The following DOCK7 variants were observed in gnomAD, a reference collection of about 807,000 sequenced individuals.
The protein encoded by DOCK7 is dedicator of cytokinesis protein 7.
Under a neutral mutation model 271.0 loss-of-function variants are expected in DOCK7, and 138 were observed. That is an observed-to-expected ratio of 0.51 (90% CI 0.44 to 0.59). DOCK7 has a LOEUF of 0.59. Among genes scored for constraint, DOCK7 ranks in the 20% least tolerant of loss-of-function variants. The pLI is 0.00. For synonymous variants in DOCK7, 823 were observed against 876.1 expected (o/e 0.94, Z 1.07); for missense variants, 2,066 against 2,592.4 (o/e 0.80, Z 4.41).
intron 14 of DOCK7, among the ~76,000 whole-genome samples, chr1:62,617,165 G>GTT (rs1451404410): frequency 6.6e-6 from 1 of 151,148 alleles, no homozygotes; most frequent in East Asian, 1.9e-4. Context: ...CAATTGTACA[G>GTT]TAAGCCTAAA....
chr1:62,529,532 G>T, intron 29 of DOCK7, 86 bp from the exon 30 acceptor site: 1 of 1,049,846 alleles, frequency 9.5e-7, no homozygotes, highest in Non-Finnish European at 1.3e-6. Context: ...GTAAGTCATG[G>T]TATTGAATAA....
intron 1 of DOCK7, among the ~76,000 whole-genome samples, chr1:62,668,259 G>A (rs4587594): frequency 0.35 from 53,599 of 152,028 alleles, 9,776 homozygotes; most frequent in African/African-American, 0.44. Flanking sequence ...AATCTCTTAC[G>A]GGTCAATGTG....
At chr1:62,670,126 C>T (rs1390822062) in intron 1 of DOCK7, among the ~76,000 whole-genome samples, 7 of 152,218 alleles carry the variant, frequency 4.6e-5, no homozygotes, top group Non-Finnish European at 7.4e-5. Context: ...TGCCTTCCCA[C>T]GGGGCAGGGC....
At chr1:62,592,227 T>C (rs1648555808) in intron 14 of DOCK7, among the ~76,000 whole-genome samples, 1 of 152,140 alleles carries the variant, frequency 6.6e-6, no homozygotes, top group Admixed American at 6.6e-5. Context: ...AAAATTCTCC[T>C]TCAAAGAAAT....
At chr1:62,503,140 A>T (rs1050676414) in intron 37 of DOCK7, among the ~76,000 whole-genome samples, 5 of 152,172 alleles carry the variant, frequency 3.3e-5, no homozygotes, top group African/African-American at 1.2e-4. Context: ...ACACCAAATA[A>T]AAGCTAAAGG....
chr1:62,473,766 G>T (rs1363355654), intron 48 of DOCK7, among the ~76,000 whole-genome samples: 1 of 151,890 alleles, frequency 6.6e-6, no homozygotes, highest in Non-Finnish European at 1.5e-5. Context: ...AATTTTTTTC[G>T]TAGAGATGGG....
chr1:62,673,992 G>T (rs1048051765), intron 1 of DOCK7, among the ~76,000 whole-genome samples: 2 of 151,982 alleles, frequency 1.3e-5, no homozygotes, highest in African/African-American at 2.4e-5. Context: ...AAGGCATTTT[G>T]ATTGGAAAGG....
At chr1:62,588,746 TTTA>T (rs1647940914) in intron 14 of DOCK7, among the ~76,000 whole-genome samples, 1 of 152,150 alleles carries the variant, frequency 6.6e-6, no homozygotes, top group Non-Finnish European at 1.5e-5. Context: ...TTAAAATTTA[TTTA>T]TTTTTTTAAG....
chr1:62,529,381 T>G lies in DOCK7; in HGVS notation c.3677A>C (p.Asp1226Ala). ...VHNLLSSHDS[D>A]PRYSDPQIKA... The stretch of plus-strand genomic sequence containing the variant: ...TATCTGAGGGTCAGAGTACCGCGGG[T>G]CTGAGTCGTGACTGGAGAGTAAATT... The change falls in exon 30 of 50, where the codon GAC becomes GCC. Residue 1226 changes from aspartate (D) to alanine (A), a missense_variant. Physicochemically the swap from Asp to Ala is moderately radical, Grantham distance 126 (BLOSUM62 -2). Coordinates refer to ENST00000635253, the MANE Select transcript of DOCK7 (RefSeq NM_001367561.1). 6.2e-7 allele frequency: 1 copy of G among 1,613,670 alleles called. No individual in the cohort carries two copies. The highest frequency in any genetic ancestry group is 8.5e-7 in the Non-Finnish European group (1 of 1,179,874).
intron 21 of DOCK7, among the ~76,000 whole-genome samples, chr1:62,553,465 G>T (rs188023948): frequency 7.1e-6 from 1 of 141,652 alleles, no homozygotes; most frequent in Non-Finnish European, 1.5e-5. Context: ...CTATAATCTT[G>T]GACTCCTGGA....
intron 48 of DOCK7, among the ~76,000 whole-genome samples, chr1:62,459,536 A>G (rs1645449505): frequency 6.6e-6 from 1 of 152,150 alleles, no homozygotes. Context: ...AAAACTGTAC[A>G]ATTTCATACA....
chr1:62,591,145 A>G (rs1648382248), intron 14 of DOCK7, among the ~76,000 whole-genome samples: 1 of 152,228 alleles, frequency 6.6e-6, no homozygotes, highest in Non-Finnish European at 1.5e-5. Context: ...TGGTACATAT[A>G]CACAGGGAAT....
rs373928701 is a variant in DOCK7, at chr1:62,505,802, C to T, written c.4491G>A (p.Thr1497=). 394 of 1,608,614 alleles carry T rather than the reference C, an allele frequency of 2.4e-4. No individual in the cohort carries two copies. The highest frequency in any genetic ancestry group is 3.1e-4 in the Non-Finnish European group (369 of 1,178,028). The change falls in exon 36 of 50, where the codon ACG becomes ACA. Residue 1497 remains threonine (T), a synonymous_variant. Transcript: ENST00000635253. ...LEIVVQTVSV[T]ESKESILGGV... ...CACCAAGAATGCTCTCTTTGGATTCCGTTACAGAAACGGTCTGCAATTTAA... is the reference window on the plus strand; with the variant it reads ...CACCAAGAATGCTCTCTTTGGATTCTGTTACAGAAACGGTCTGCAATTTAA...
intron 7 of DOCK7, among the ~76,000 whole-genome samples, chr1:62,643,961 C>T (rs1656340897): frequency 6.6e-6 from 1 of 151,852 alleles, no homozygotes; most frequent in Non-Finnish European, 1.5e-5. Flanking sequence ...CTGGTCAATT[C>T]TGAGAGTCTC....
chr1:62,646,624 C>CAG, intron 7 of DOCK7, among the ~76,000 whole-genome samples: 1 of 152,170 alleles, frequency 6.6e-6, no homozygotes, highest in East Asian at 1.9e-4. Context: ...ATCTGCAAGC[C>CAG]AGAGAGAGAT....
chr1:62,492,872 G>A, intron 40 of DOCK7, 25 bp from the exon 41 acceptor site: 1 of 1,586,804 alleles, frequency 6.3e-7, no homozygotes, highest in Non-Finnish European at 8.6e-7. Flanking sequence ...TATTGAAAAG[G>A]TTTTTGAAAC....
rs1271558274 is a variant in DOCK7, at chr1:62,597,562, T to C, written c.1683-10938A>G. On this transcript the variant is annotated intron_variant, in intron 14 of 49. Transcript: ENST00000635253. ...CGTTGCTTGAAATTGAAAATCAAGA[T>C]AAAAATGTTCACAATTAAGCTCCTT... 5 of 1,612,370 alleles carry C rather than the reference T, an allele frequency of 3.1e-6. No homozygotes were observed. The South Asian group carries it at 3.3e-5, about 11-fold the overall frequency.
intron 29 of DOCK7, among the ~76,000 whole-genome samples, chr1:62,534,864 GGT>G (rs1645290753): frequency 6.6e-6 from 1 of 152,066 alleles, no homozygotes; most frequent in East Asian, 1.9e-4. Flanking sequence ...AGGCTGAGGT[GGT>G]GATCACTTGA....
At chr1:62,601,784 G>A (rs773165983) in intron 14 of DOCK7, 1 of 1,608,102 alleles carries the variant, frequency 6.2e-7, no homozygotes, top group East Asian at 2.2e-5. Flanking sequence ...CCTGCTGAAT[G>A]TACCACCATT....
Sources: gnomAD v4.1 joint callset for allele counts (sites outside exome capture counted in the v4.1 genomes callset) on GRCh38, gnomAD v4.1.1 for gene constraint, MANE v1.5 for transcripts, NCBI Gene and HGNC (gene_info 2026-07-23, HGNC 2026-07-21) for gene names.